The following TPCN1 variants were observed in gnomAD, a reference collection of about 807,000 sequenced individuals.
TPCN1 encodes two pore channel protein 1.
TPCN1 carries 52 observed loss-of-function variants against 108.8 expected under a neutral mutation model. The ratio of observed to expected loss-of-function variants is 0.48; its 90% confidence interval spans 0.38 to 0.60. The LOEUF is 0.60. Ranked by LOEUF, TPCN1 falls within the 20% of genes least tolerant of loss-of-function variation. The pLI is 0.00. For synonymous variants in TPCN1, 446 were observed against 433.7 expected, an observed-to-expected ratio of 1.03 and a Z score of -0.35; for missense variants, 806 against 1,072.8, an observed-to-expected ratio of 0.75 and a Z score of 3.47.
intron 10 of TPCN1, among the ~76,000 whole-genome samples, chr12:113,275,485 C>G (rs1305484726): frequency 6.6e-6 from 1 of 152,124 alleles, no homozygotes; most frequent in African/African-American, 2.4e-5. Context: ...CTCAGGTGAT[C>G]CGTCCGACTC....
chr12:113,235,797 A>T (rs1456236738), intron 2 of TPCN1, among the ~76,000 whole-genome samples: 2 of 152,106 alleles, frequency 1.3e-5, no homozygotes, highest in Non-Finnish European at 2.9e-5. Flanking sequence ...GGGCAGGAGG[A>T]GATGGCGTGC....
intron 15 of TPCN1, among the ~76,000 whole-genome samples, chr12:113,283,058 T>A (rs1955944300): frequency 6.6e-6 from 1 of 152,080 alleles, no homozygotes; most frequent in South Asian, 2.1e-4. Flanking sequence ...ACCTGGGTAA[T>A]ACAGTGAGAC....
chr12:113,287,163 C>T (rs1047158075), intron 19 of TPCN1, 69 bp downstream of exon 19: 31 of 1,315,252 alleles, frequency 2.4e-5, no homozygotes, highest in Admixed American at 7.0e-5. Flanking sequence ...AGGATTGATC[C>T]GGGAAGTGAC....
chr12:113,269,829 C>T lies in TPCN1; in HGVS notation c.732C>T (p.Ile244=). 1 of 1,613,972 alleles carries T rather than the reference C, an allele frequency of 6.2e-7. No individual in the cohort carries two copies. The highest frequency in any genetic ancestry group is 8.5e-7 in the Non-Finnish European group (1 of 1,180,006). ...DILLLLLFFM[I]IFAILGFYLF... The stretch of plus-strand genomic sequence containing the variant: ...TCCTGCTGCTGCTGTTCTTCATGAT[C>T]ATCTTTGCCATCCTCGGTGAGTTCC... Residue 244 remains isoleucine, a synonymous_variant, in exon 7 of 28, where the codon ATC becomes ATT. Coordinates refer to ENST00000335509, the MANE Select transcript of TPCN1 (RefSeq NM_017901.6). This position sits in a 1 kb window ranked among gnomAD's most constrained non-coding sequence, Gnocchi z 5.0.
At position 113,280,109 on chromosome 12, in the gene TPCN1, AG is replaced by A. The variant is rs762751141; in HGVS notation, c.1298-41del. 4 of 1,476,398 alleles carry A rather than the reference AG, an allele frequency of 2.7e-6. No homozygotes were observed. The East Asian group carries it at 9.1e-5, about 34-fold the overall frequency. 91.5% of individuals were successfully genotyped at this position (1,476,398 alleles called of 1,614,324 possible). On this transcript the variant is annotated intron_variant, in intron 14 of 27. Coordinates refer to ENST00000335509, the MANE Select transcript of TPCN1 (RefSeq NM_017901.6). ...AATTAAGGATACAGTAGGGGGAACAAGTGCGTAAATTTACATTTTAACTTGT... is the reference window on the plus strand; with the variant it reads ...AATTAAGGATACAGTAGGGGGAACAATGCGTAAATTTACATTTTAACTTGT...
chr12:113,266,679 C>G lies in TPCN1; in HGVS notation c.414+323C>G, dbSNP rs1003415852. ...CCAGTGGACAGTCCCACTACTCTGT[C>G]TCCAGCCTCAAAGGAGAAGGCAGTT... On this transcript the variant is annotated intron_variant, in intron 4 of 27. Transcript: ENST00000335509. The surrounding 1 kb of genome is among the most constrained non-coding windows in gnomAD (Gnocchi z 4.2). 3.3e-5 allele frequency among the ~76,000 whole-genome samples: 5 copies of G among 152,192 alleles called. No individual in the cohort carries two copies.
intron 2 of TPCN1, among the ~76,000 whole-genome samples, chr12:113,252,594 G>A (rs1242421922): frequency 2.0e-5 from 3 of 152,170 alleles, no homozygotes; most frequent in Admixed American, 6.5e-5. Context: ...TGCCTGCTCC[G>A]CTCCATCATT....
At chr12:113,226,672 C>T (rs969607130) in intron 1 of TPCN1, 56 bp from the exon 2 acceptor site, 10 of 1,303,586 alleles carry the variant, frequency 7.7e-6, no homozygotes, top group East Asian at 2.5e-5. Flanking sequence ...ATAGATTCAT[C>T]AGTCATGGCT....
At chr12:113,235,614 C>T (rs1953861355) in intron 2 of TPCN1, among the ~76,000 whole-genome samples, 1 of 152,206 alleles carries the variant, frequency 6.6e-6, no homozygotes, top group Admixed American at 6.5e-5. Flanking sequence ...AAAATGGCCG[C>T]ACATTTAGGA....
At chr12:113,246,864 A>C (rs1160880895) in intron 2 of TPCN1, among the ~76,000 whole-genome samples, 2 of 152,208 alleles carry the variant, frequency 1.3e-5, no homozygotes, top group African/African-American at 4.8e-5. Flanking sequence ...CCCGGCACAC[A>C]GAGGAAGGGG....
chr12:113,224,055 T>C (rs902243851), intron 1 of TPCN1, among the ~76,000 whole-genome samples: 5 of 152,254 alleles, frequency 3.3e-5, no homozygotes, highest in African/African-American at 7.2e-5. Context: ...AAGTGAAAGA[T>C]GTATTTTAAA....
At chr12:113,248,798 TAAAC>T (rs1393534666) in intron 2 of TPCN1, among the ~76,000 whole-genome samples, 2 of 152,030 alleles carry the variant, frequency 1.3e-5, no homozygotes. Context: ...TTTGTTATAT[TAAAC>T]AAAAAAGTTA....
chr12:113,294,532 C>T (rs1956367872), intron 27 of TPCN1, among the ~76,000 whole-genome samples: 1 of 151,220 alleles, frequency 6.6e-6, no homozygotes, highest in Admixed American at 6.6e-5. Flanking sequence ...GAGGCTGAGT[C>T]AGGAGAATTA....
At chr12:113,287,758 T>C (rs1056608292) in intron 19 of TPCN1, among the ~76,000 whole-genome samples, 2 of 151,624 alleles carry the variant, frequency 1.3e-5, no homozygotes, top group African/African-American at 4.9e-5. Flanking sequence ...TGCTCCTGAG[T>C]GTCCGCCTCC....
At position 113,237,524 on chromosome 12, in the gene TPCN1, T is replaced by G. The variant is rs1344745601; in HGVS notation, c.112+10560T>G. 2.6e-5 allele frequency among the ~76,000 whole-genome samples: 4 copies of G among 152,106 alleles called. No individual in the cohort carries two copies. The East Asian group carries it at 7.7e-4, about 29-fold the overall frequency. The stretch of plus-strand genomic sequence containing the variant: ...GGTGTGCACCACCGCACCCTGTTAA[T>G]TTTTTTGTATTTTTAGTAGAGACGG... On this transcript the variant is annotated intron_variant, in intron 2 of 27. Transcript: ENST00000335509.
chr12:113,291,710 T>C, intron 24 of TPCN1, 33 bp downstream of exon 24: 1 of 1,607,296 alleles, frequency 6.2e-7, no homozygotes, highest in Non-Finnish European at 8.5e-7. Flanking sequence ...CTCTTTGTCC[T>C]TCGTCTTCCA....
At chr12:113,236,149 G>A (rs972206561) in intron 2 of TPCN1, among the ~76,000 whole-genome samples, 1 of 152,172 alleles carries the variant, frequency 6.6e-6, no homozygotes, top group African/African-American at 2.4e-5. Flanking sequence ...ATTCATTCAT[G>A]CTGCCCTGGC....
At chr12:113,271,876 A>G (rs574351575) in intron 7 of TPCN1, among the ~76,000 whole-genome samples, 2 of 152,330 alleles carry the variant, frequency 1.3e-5, no homozygotes, top group East Asian at 3.9e-4. Flanking sequence ...TGTGACAGCC[A>G]CACAAGAGTC....
At chr12:113,277,132 A>T in intron 11 of TPCN1, 97 bp downstream of exon 11, 2 of 1,601,894 alleles carry the variant, frequency 1.2e-6, no homozygotes, top group South Asian at 2.2e-5. Flanking sequence ...TTTAGAAACC[A>T]GGAACCCTGC....
Sources: gnomAD v4.1 joint callset for allele counts (sites outside exome capture counted in the v4.1 genomes callset) on GRCh38, gnomAD v4.1.1 for gene constraint, Gnocchi (gnomAD v3.1) non-coding constraint, MANE v1.5 for transcripts, NCBI Gene and HGNC (gene_info 2026-07-23, HGNC 2026-07-21) for gene names.